Variants in TOP1MT observed in about 807,000 individuals in gnomAD.
TOP1MT encodes the protein DNA topoisomerase I, mitochondrial.
Under a neutral mutation model 73.9 loss-of-function variants are expected in TOP1MT, and 80 were observed. The ratio of observed to expected loss-of-function variants is 1.08; its 90% CI spans 0.90 to 1.30. The LOEUF is 1.30. TOP1MT is among the 50% of genes most tolerant of loss of function. The pLI, the probability that TOP1MT is intolerant of heterozygous loss-of-function variation, is 0.00. For synonymous variants in TOP1MT, 338 were observed against 326.4 expected (o/e 1.04, Z -0.38); for missense variants, 815 against 808.0 (o/e 1.01, Z -0.10).
At position 143,318,053 on chromosome 8, in the gene TOP1MT, T is replaced by C. The variant is rs1180503029; in HGVS notation, c.1180A>G (p.Lys394Glu). The change falls in exon 9 of 14, where the codon AAG becomes GAG. Residue 394 changes from lysine (K) to glutamate (E), a missense_variant. Transcript: ENST00000329245. Reference sequence around the variant, plus strand: ...TCGAAGAGGTCGTCCCGGGGGTCCTTGTTCTCCATAAAGAGCTGTAAGTTC... The same window carrying C: ...TCGAAGAGGTCGTCCCGGGGGTCCTCGTTCTCCATAAAGAGCTGTAAGTTC... ...YKNLQLFMEN[K>E]DPRDDLFDRL... The C allele has an allele frequency of 2.5e-6, 4 of 1,614,074 alleles. No homozygotes were observed. The South Asian group carries it at 3.3e-5, about 13-fold the overall frequency.
intron 2 of TOP1MT, among the ~76,000 whole-genome samples, chr8:143,330,894 A>G (rs1378044861): frequency 7.3e-6 from 1 of 137,028 alleles, no homozygotes; most frequent in Non-Finnish European, 1.6e-5. Flanking sequence ...CACGCAGTGT[A>G]CGTACTGTGT....
intron 7 of TOP1MT, among the ~76,000 whole-genome samples, chr8:143,321,650 G>T (rs34663533): frequency 7.2e-5 from 3 of 41,740 alleles, no homozygotes; most frequent in East Asian, 1.5e-3. Context: ...GCCACACACA[G>T]GCACGCCACA....
intron 8 of TOP1MT, among the ~76,000 whole-genome samples, 192 bp from the exon 9 acceptor site, chr8:143,318,278 C>T (rs1262185016): frequency 1.3e-5 from 2 of 152,230 alleles, no homozygotes; most frequent in African/African-American, 2.4e-5. Flanking sequence ...GTCACCGCTA[C>T]CACACGCACA....
chr8:143,320,909 C>T (rs1816318132), intron 8 of TOP1MT, among the ~76,000 whole-genome samples: 2 of 152,208 alleles, frequency 1.3e-5, no homozygotes, highest in South Asian at 4.1e-4. Flanking sequence ...GTCTGCAGTG[C>T]CTTCCTCCAG....
intron 8 of TOP1MT, among the ~76,000 whole-genome samples, chr8:143,320,110 C>T (rs545732636): frequency 6.6e-6 from 1 of 151,988 alleles, no homozygotes; most frequent in Admixed American, 6.5e-5. Flanking sequence ...AGCAACAGTG[C>T]GAGACACCGT....
intron 7 of TOP1MT, 78 bp from the exon 8 acceptor site, chr8:143,321,464 CCA>C (rs540913430): frequency 0.35 from 345,314 of 992,512 alleles, 90,258 homozygotes; most frequent in East Asian, 0.68. Context: ...CACACGCACG[CCA>C]CACACGCACG....
chr8:143,326,298 C>T lies in TOP1MT; in HGVS notation c.407G>A (p.Cys136Tyr), dbSNP rs1816705335. 1.9e-6 allele frequency: 3 copies of T among 1,613,950 alleles called. No individual in the cohort carries two copies. In the South Asian group the frequency reaches 3.3e-5, roughly 18 times the overall value. Residue 136 changes from cysteine (C) to tyrosine (Y), a missense_variant, in exon 4 of 14, where the codon TGT (cysteine) becomes TAT (tyrosine). Physicochemically the swap from Cys to Tyr is radical, Grantham distance 194. Transcript: ENST00000329245. ...GTATCTGTGGATCTCCGTGAAGTCA[C>T]ACTTGTCCAGGCTCTTGATGACTTC... ...EREVIKSLDK[C>Y]DFTEIHRYFV...
chr8:143,331,232 A>C lies in TOP1MT; in HGVS notation c.230T>G (p.Phe77Cys). The change falls in exon 2 of 14, where the codon TTC becomes TGC. Residue 77 changes from phenylalanine (F) to cysteine (C), a missense_variant. Physicochemically the swap from Phe to Cys is radical, Grantham distance 205 (BLOSUM62 -2). Around this residue, in one of 3 missense-constraint regions of TOP1MT, gnomAD observed 751 missense variants for 725.4 expected, o/e 1.04. Coordinates refer to ENST00000329245, the MANE Select transcript of TOP1MT (RefSeq NM_052963.3). Reference protein sequence around the residue: ...YEPLPDGVRFFYEGRPVRLSV... With the variant: ...YEPLPDGVRFCYEGRPVRLSV... ...GCTCCCTGCATCCTTACCTTCATAG[A>C]AGAAACGCACTCCGTCGGGAAGGGG... 6.2e-7 allele frequency: 1 copy of C among 1,606,712 alleles called. No individual in the cohort carries two copies. The highest frequency in any genetic ancestry group is 8.5e-7 in the Non-Finnish European group (1 of 1,174,384).
chr8:143,321,834 A>AGG (rs1484871999), intron 7 of TOP1MT, among the ~76,000 whole-genome samples: 2 of 31,286 alleles, frequency 6.4e-5, no homozygotes, highest in African/African-American at 8.7e-5. Flanking sequence ...CGCTACACAC[A>AGG]CACGCCACAC....
chr8:143,320,919 G>A (rs1004192756), intron 8 of TOP1MT, among the ~76,000 whole-genome samples: 2 of 152,218 alleles, frequency 1.3e-5, no homozygotes, highest in African/African-American at 2.4e-5. Flanking sequence ...CCTTCCTCCA[G>A]CAGCCCTGGG....
chr8:143,315,458 C>CTTTA (rs2129914399), intron 12 of TOP1MT, among the ~76,000 whole-genome samples: 1 of 152,322 alleles, frequency 6.6e-6, no homozygotes. Flanking sequence ...GACTCACACT[C>CTTTA]TTTACCCTGC....
upstream of TOP1MT, among the ~76,000 whole-genome samples, chr8:143,357,909 GA>G (rs1253662529): frequency 6.8e-6 from 1 of 146,984 alleles, no homozygotes; most frequent in Admixed American, 6.9e-5. Flanking sequence ...TGACAGGAGC[GA>G]AACTCCGTCT....
At position 143,322,665 on chromosome 8, in the gene TOP1MT, C is replaced by T. The variant is rs373214827; in HGVS notation, c.961-1279G>A. ...ACGCCACACGCACACCACACACGCACGCCACACACGCACGCCACACACGCA... is the reference window on the plus strand; with the variant it reads ...ACGCCACACGCACACCACACACGCATGCCACACACGCACGCCACACACGCA... On this transcript the variant is annotated intron_variant, in intron 7 of 13. Coordinates refer to ENST00000329245, the MANE Select transcript of TOP1MT (RefSeq NM_052963.3). 4.1e-4 allele frequency among the ~76,000 whole-genome samples: 50 copies of T among 123,264 alleles called. 2 individuals carry two copies. The East Asian group carries it at 0.012, about 30-fold the overall frequency. The allele number at this position is 123,264 out of a possible 152,430, so 80.9% of individuals were successfully genotyped here. A position where few individuals can be genotyped will look rare whatever the true frequency, so the allele number is the denominator to read the frequency against.
chr8:143,315,134 G>C (rs939954621), intron 12 of TOP1MT, among the ~76,000 whole-genome samples: 4 of 152,076 alleles, frequency 2.6e-5, no homozygotes, highest in Admixed American at 2.0e-4. Context: ...GTTTAGAGAA[G>C]ACTCTACTCC....
chr8:143,314,735 G>C (rs1426423348), intron 12 of TOP1MT, among the ~76,000 whole-genome samples: 1 of 152,136 alleles, frequency 6.6e-6, no homozygotes, highest in African/African-American at 2.4e-5. Context: ...GGCACGAGCT[G>C]TTCCAGTATA....
rs1302582856 is a variant in TOP1MT, at chr8:143,342,258, GCT to G, written c.29+960_29+961del. On this transcript the variant is annotated intron_variant, in intron 2 of 5. Transcript: ENST00000518007. ...TTATTATTATTAGAGACAGAGTCTC[GCT>G]CTGTTATTATTATTATTAGAGACAG... Among the ~76,000 whole-genome samples, 17 of 123,530 alleles carry G rather than the reference GCT, an allele frequency of 1.4e-4. 1 individual carries two copies. The highest frequency in any genetic ancestry group is 3.9e-4 in the African/African-American group (10 of 25,652). The allele number at this position is 123,530 out of a possible 152,430, so 81.0% of individuals were successfully genotyped here.
intron 3 of TOP1MT, among the ~76,000 whole-genome samples, chr8:143,326,556 T>C (rs1816714438): frequency 6.6e-6 from 1 of 152,206 alleles, no homozygotes; most frequent in Non-Finnish European, 1.5e-5. Context: ...ATTGCAGGCA[T>C]GGAGTTGGGT....
At chr8:143,332,520 G>A (rs1282370796) in intron 1 of TOP1MT, 2 of 1,289,350 alleles carry the variant, frequency 1.6e-6, no homozygotes, top group African/African-American at 1.5e-5. Flanking sequence ...CGTGACCCCA[G>A]CCAGGTAGTG....
chr8:143,329,483 G>C lies in TOP1MT; in HGVS notation c.239-12C>G. The stretch of plus-strand genomic sequence containing the variant: ...TCTCACAGGCCTTCCTGCAGGCATC[G>C]GAAGACACATCGTATGAGAGAGCGG... On this transcript the variant is annotated splice_polypyrimidine_tract_variant and intron_variant, in intron 2 of 13. Coordinates refer to ENST00000329245, the MANE Select transcript of TOP1MT (RefSeq NM_052963.3). 6.2e-7 allele frequency: 1 copy of C among 1,605,744 alleles called. No homozygotes were observed. The highest frequency in any genetic ancestry group is 1.1e-5 in the South Asian group (1 of 89,910).
Sources: gnomAD v4.1 joint callset for allele counts (sites outside exome capture counted in the v4.1 genomes callset) on GRCh38, gnomAD v4.1.1 for gene constraint, gnomAD v4.1.1 regional missense constraint, MANE v1.5 for transcripts, NCBI Gene and HGNC (gene_info 2026-07-23, HGNC 2026-07-21) for gene names.